The following GLIPR1L1 variants were observed in gnomAD, a reference collection of about 807,000 sequenced individuals.
The protein encoded by GLIPR1L1 is GLIPR1-like protein 1.
Under a neutral mutation model 29.9 loss-of-function variants are expected in GLIPR1L1, and 26 were observed. The ratio of observed to expected loss-of-function variants is 0.87; its 90% CI spans 0.64 to 1.21. The LOEUF (loss-of-function observed/expected upper bound fraction) is 1.21. GLIPR1L1 is among the 50% of genes most tolerant of loss of function. GLIPR1L1 has a pLI of 0.00. For synonymous variants in GLIPR1L1, 77 were observed against 97.5 expected, an observed-to-expected ratio of 0.79 and a Z score of 1.24; for missense variants, 305 against 290.3, an observed-to-expected ratio of 1.05 and a Z score of -0.37.
At chr12:75,366,496 A>G (rs117224785) in intron 4 of GLIPR1L1, among the ~76,000 whole-genome samples, 44 of 152,250 alleles carry the variant, frequency 2.9e-4, no homozygotes, top group East Asian at 1.7e-3. Context: ...AGACCATAAT[A>G]TGTAACTAGT....
intron 3 of GLIPR1L1, among the ~76,000 whole-genome samples, chr12:75,358,817 AAT>A (rs1341663158): frequency 6.9e-6 from 1 of 144,294 alleles, no homozygotes; most frequent in Non-Finnish European, 1.5e-5. Flanking sequence ...TATATGTTTA[AAT>A]ATATATAATA....
At chr12:75,366,769 A>G in intron 4 of GLIPR1L1, 1 of 663,888 alleles carries the variant, frequency 1.5e-6, no homozygotes, top group South Asian at 1.6e-5. Flanking sequence ...CCACGCTCTT[A>G]TGTGTCTCAG....
intron 4 of GLIPR1L1, 98 bp from the exon 5 acceptor site, chr12:75,369,862 T>C (rs2044244162): frequency 1.5e-6 from 2 of 1,332,552 alleles, no homozygotes; most frequent in South Asian, 4.1e-5. Flanking sequence ...AACTAATTTT[T>C]GTTAGTTGAT....
intron 5 of GLIPR1L1, 30 bp from the exon 6 acceptor site, chr12:75,370,055 C>A (rs764872848): frequency 4.5e-5 from 63 of 1,407,206 alleles, no homozygotes; most frequent in Non-Finnish European, 6.2e-5. Context: ...GAACTCTTAA[C>A]TATTCTGGTT....
chr12:75,356,344 A>G (rs550976372), intron 3 of GLIPR1L1, among the ~76,000 whole-genome samples: 1 of 152,266 alleles, frequency 6.6e-6, no homozygotes, highest in South Asian at 2.1e-4. Context: ...GGATAAATAT[A>G]TAAGATGTTT....
At chr12:75,338,363 G>A (rs1327663292) in intron 1 of GLIPR1L1, among the ~76,000 whole-genome samples, 1 of 152,114 alleles carries the variant, frequency 6.6e-6, no homozygotes, top group Non-Finnish European at 1.5e-5. Context: ...TGAAAAATCT[G>A]TGAGAAATCT....
rs73364094 is a variant in GLIPR1L1, at chr12:75,366,377, A to G, written c.610+3187A>G. On this transcript the variant is annotated intron_variant, in intron 4 of 5. Coordinates refer to ENST00000378695, the MANE Select transcript of GLIPR1L1 (RefSeq NM_001304964.2). Reference sequence around the variant, plus strand: ...AACAGCAGATTTAAAGCAGGCAGAAAAGAAAATAGAGAAGTAGAGAACTTA... The same window carrying G: ...AACAGCAGATTTAAAGCAGGCAGAAGAGAAAATAGAGAAGTAGAGAACTTA... 4.6e-3 allele frequency among the ~76,000 whole-genome samples: 694 copies of G among 152,288 alleles called. 4 individuals are homozygous for G. Among genetic ancestry groups the G allele is most frequent in the African/African-American group, 0.011 (465 of 41,552 alleles).
chr12:75,337,617 A>G (rs182705145), intron 1 of GLIPR1L1, among the ~76,000 whole-genome samples: 333 of 151,840 alleles, frequency 2.2e-3, no homozygotes, highest in Middle Eastern at 6.9e-3. Flanking sequence ...TTAATGTACA[A>G]TTTTTTTTAC....
At position 75,358,481 on chromosome 12, in the gene GLIPR1L1, T is replaced by C. The variant is rs571071976; in HGVS notation, c.522-4621T>C. Reference sequence around the variant, plus strand: ...AGAATTATATGATTATCTCAATAGATTCAGAAAAAGCCAAACATTCATTCC... The same window carrying C: ...AGAATTATATGATTATCTCAATAGACTCAGAAAAAGCCAAACATTCATTCC... On this transcript the variant is annotated intron_variant, in intron 3 of 5. Transcript: ENST00000378695. Among the ~76,000 whole-genome samples the C allele has an allele frequency of 9.9e-5, 15 of 151,286 alleles. No homozygotes were observed. The South Asian group carries it at 2.5e-3, about 25-fold the overall frequency.
At chr12:75,355,125 TA>T (rs1244594901) in intron 3 of GLIPR1L1, among the ~76,000 whole-genome samples, 8 of 152,012 alleles carry the variant, frequency 5.3e-5, no homozygotes, top group African/African-American at 1.9e-4. Flanking sequence ...CAAAAATGGA[TA>T]AATGGGATCA....
At chr12:75,337,323 T>C (rs563129930) in intron 1 of GLIPR1L1, among the ~76,000 whole-genome samples, 1 of 151,886 alleles carries the variant, frequency 6.6e-6, no homozygotes, top group Admixed American at 6.5e-5. Flanking sequence ...TTTAAAACTA[T>C]ATATTAATAA....
chr12:75,366,437 T>G (rs907817385), intron 4 of GLIPR1L1, among the ~76,000 whole-genome samples: 1 of 152,158 alleles, frequency 6.6e-6, no homozygotes, highest in Non-Finnish European at 1.5e-5. Flanking sequence ...CTTTGGGCTA[T>G]GAATTTTTCT....
chr12:75,350,826 CA>C (rs542686313), intron 3 of GLIPR1L1, among the ~76,000 whole-genome samples: 84 of 152,248 alleles, frequency 5.5e-4, no homozygotes, highest in African/African-American at 1.9e-3. Context: ...AGCAAGGGCA[CA>C]GAACTGGGAT....
At chr12:75,341,374 T>C (rs1259755178) in intron 1 of GLIPR1L1, among the ~76,000 whole-genome samples, 1 of 152,234 alleles carries the variant, frequency 6.6e-6, no homozygotes, top group Non-Finnish European at 1.5e-5. Context: ...AAAGGCATTA[T>C]GCTGAGTGAA....
chr12:75,370,500 T>C lies in GLIPR1L1; in HGVS notation c.*324T>C. On this transcript the variant is annotated 3_prime_UTR_variant, in exon 6 of 6. Transcript: ENST00000378695. ...TAAAGACTTTTCACATATCAAATAG[T>C]TTCCTTAGATACCAATAGTTTCCTT... is the stretch of plus-strand genomic sequence containing the variant. 1 of 177,796 alleles carries C rather than the reference T, an allele frequency of 5.6e-6. No homozygotes were observed. Among genetic ancestry groups the C allele is most frequent in the East Asian group, 1.4e-4 (1 of 7,204 alleles). The allele number at this position is 177,796 out of a possible 1,614,324, so 11.0% of individuals were successfully genotyped here.
chr12:75,352,054 T>C (rs10879903), intron 3 of GLIPR1L1, among the ~76,000 whole-genome samples: 71,256 of 152,050 alleles, frequency 0.47, 16,764 homozygotes, highest in East Asian at 0.5. Flanking sequence ...ACAAAAAACA[T>C]GCTGAAGTAC....
At chr12:75,367,293 A>G (rs1316052777) in intron 4 of GLIPR1L1, among the ~76,000 whole-genome samples, 1 of 149,070 alleles carries the variant, frequency 6.7e-6, no homozygotes, top group Non-Finnish European at 1.5e-5. Flanking sequence ...AAAAAAAAGA[A>G]CTTTTTGACT....
chr12:75,335,001 A>C, intron 1 of GLIPR1L1, 99 bp downstream of exon 1: 1 of 1,188,946 alleles, frequency 8.4e-7, no homozygotes, highest in Non-Finnish European at 1.2e-6. Context: ...TTCAATCCGG[A>C]CTTTACATAT....
chr12:75,344,074 A>T, intron 2 of GLIPR1L1, 136 bp downstream of exon 2: 2 of 621,036 alleles, frequency 3.2e-6, no homozygotes, highest in Non-Finnish European at 2.7e-6. Context: ...GGTCTTGAGC[A>T]ATTTAATAAT....
Sources: gnomAD v4.1 joint callset for allele counts (sites outside exome capture counted in the v4.1 genomes callset) on GRCh38, gnomAD v4.1.1 for gene constraint, MANE v1.5 for transcripts, NCBI Gene and HGNC (gene_info 2026-07-23, HGNC 2026-07-21) for gene names.